COL22A1: variants seen among roughly 807,000 people sequenced by gnomAD.
COL22A1 encodes the protein collagen type XXII alpha 1 chain.
In COL22A1, 221 loss-of-function variants were observed where a neutral mutation model predicts 248.9. That is an observed-to-expected ratio of 0.89 (90% CI 0.80 to 0.99). COL22A1 has a LOEUF of 0.99. Among genes scored for constraint, COL22A1 ranks in the 50% least tolerant of loss-of-function variants. The probability of loss-of-function intolerance (pLI) is 0.00; values close to 1 mark genes in which losing one functional copy is unlikely to be tolerated. For synonymous variants in COL22A1, 891 were observed against 793.4 expected (o/e 1.12, Z -2.07); for missense variants, 2,240 against 2,179.0 (o/e 1.03, Z -0.56).
intron 16 of COL22A1, among the ~76,000 whole-genome samples, chr8:138,766,459 C>G (rs1401902597): frequency 1.0e-5 from 1 of 99,054 alleles, no homozygotes; most frequent in Admixed American, 1.3e-4. Context: ...GGGGGAGAGA[C>G]AGATGGAGAC....
intron 2 of COL22A1, among the ~76,000 whole-genome samples, chr8:138,879,837 TAAAAC>T (rs146542704): frequency 0.046 from 6,970 of 150,004 alleles, 576 homozygotes; most frequent in African/African-American, 0.16. Flanking sequence ...CATTTGGCTA[TAAAAC>T]AAAACAAAAC....
intron 4 of COL22A1, among the ~76,000 whole-genome samples, chr8:138,841,951 G>A (rs1820915570): frequency 6.6e-6 from 1 of 152,280 alleles, no homozygotes; most frequent in Non-Finnish European, 1.5e-5. Flanking sequence ...ACTTTTGATG[G>A]TTTGGGTAAG....
chr8:138,877,512 C>A (rs906065555), intron 3 of COL22A1, among the ~76,000 whole-genome samples: 1 of 152,170 alleles, frequency 6.6e-6, no homozygotes, highest in Admixed American at 6.5e-5. Flanking sequence ...GCGACCTCTG[C>A]CTCTGGATGG....
intron 4 of COL22A1, among the ~76,000 whole-genome samples, chr8:138,836,664 C>T (rs9650565): frequency 0.53 from 80,021 of 152,032 alleles, 21,941 homozygotes; most frequent in East Asian, 0.66. Context: ...CTATCAGTCT[C>T]ATCTGTAAAC....
intron 57 of COL22A1, among the ~76,000 whole-genome samples, chr8:138,607,712 A>T (rs1818531302): frequency 6.6e-6 from 1 of 152,166 alleles, no homozygotes; most frequent in East Asian, 1.9e-4. Context: ...TAGACCATAG[A>T]TGCCTACGGT....
rs766089152 is a variant in COL22A1 at position 138,826,655 on chromosome 8, T to C, written c.969+3A>G. 3.7e-6 allele frequency: 6 copies of C among 1,613,676 alleles called. No individual in the cohort carries two copies. In the South Asian group the frequency reaches 6.6e-5, roughly 18 times the overall value. ...ACTGAGATAAGGCATCTGCTGCCCT[T>C]ACCTGTGGGATGCTGTACTGGTCGA... On this transcript the variant is annotated splice_donor_region_variant and intron_variant, in intron 6 of 64. Transcript: ENST00000303045.
At chr8:138,843,074 G>T (rs966408807) in intron 4 of COL22A1, among the ~76,000 whole-genome samples, 4 of 152,178 alleles carry the variant, frequency 2.6e-5, no homozygotes, top group Non-Finnish European at 5.9e-5. Flanking sequence ...AGAGCCGGGT[G>T]CTTCTATACC....
intron 30 of COL22A1, among the ~76,000 whole-genome samples, chr8:138,713,398 G>A (rs1359913916): frequency 1.3e-5 from 2 of 152,158 alleles, no homozygotes; most frequent in Non-Finnish European, 2.9e-5. Context: ...TCATTGTTAT[G>A]AAGATCACCA....
intron 1 of COL22A1, among the ~76,000 whole-genome samples, chr8:138,897,592 G>A (rs1814213757): frequency 6.6e-6 from 1 of 151,920 alleles, no homozygotes; most frequent in Admixed American, 6.6e-5. Flanking sequence ...TAGTGAAATG[G>A]GTCCCTAAGA....
chr8:138,913,324 G>A (rs924060383), intron 1 of COL22A1, among the ~76,000 whole-genome samples: 8 of 152,116 alleles, frequency 5.3e-5, no homozygotes, highest in African/African-American at 1.9e-4. Flanking sequence ...GGCGGCCATC[G>A]CTGAGCTCCT....
rs182324250 is a variant in COL22A1 at position 138,589,154 on chromosome 8, G to C, written c.*99C>G. The stretch of plus-strand genomic sequence containing the variant: ...ACGATAAAAGAAAGAAAAAAAAAAG[G>C]AACACATGGCTGAAGTCTTTCAAGA... On this transcript the variant is annotated 3_prime_UTR_variant, in exon 65 of 65. Coordinates refer to ENST00000303045, the MANE Select transcript of COL22A1 (RefSeq NM_152888.3). The C allele has an allele frequency of 3.7e-6, 4 of 1,077,962 alleles. No homozygotes were observed. The East Asian group carries it at 8.4e-5, about 23-fold the overall frequency. 66.8% of individuals were successfully genotyped at this position (1,077,962 alleles called of 1,614,324 possible).
chr8:138,649,577 C>G, intron 46 of COL22A1, 88 bp downstream of exon 46: 1 of 1,538,168 alleles, frequency 6.5e-7, no homozygotes, highest in South Asian at 1.2e-5. Flanking sequence ...CCCTGAACAC[C>G]TTCAGAGGCA....
chr8:138,674,017 A>T (rs147479685), intron 41 of COL22A1, among the ~76,000 whole-genome samples: 1,558 of 152,226 alleles, frequency 0.01, 15 homozygotes, highest in Non-Finnish European at 0.016. Flanking sequence ...CCAGGTACCC[A>T]CGGTGGCCTT....
intron 44 of COL22A1, among the ~76,000 whole-genome samples, chr8:138,658,829 G>T (rs1185817625): frequency 6.6e-6 from 1 of 151,340 alleles, no homozygotes; most frequent in East Asian, 1.9e-4. Flanking sequence ...CCATACTTGG[G>T]ACCATTCGGG....
At chr8:138,816,660 T>G (rs1230842917) in intron 7 of COL22A1, among the ~76,000 whole-genome samples, 4 of 152,228 alleles carry the variant, frequency 2.6e-5, no homozygotes, top group African/African-American at 9.6e-5. Context: ...TTTTTCTTTC[T>G]GTGAGATGGA....
rs760108366 is a variant in COL22A1 at position 138,821,159 on chromosome 8, G to A, written c.1222C>T (p.Leu408Phe). 8.7e-6 allele frequency: 14 copies of A among 1,614,040 alleles called. No homozygotes were observed. In the South Asian group the frequency reaches 1.2e-4, roughly 14 times the overall value. The change falls in exon 7 of 65, where the codon CTC becomes TTC. Residue 408 changes from leucine to phenylalanine, a missense_variant. Physicochemically the swap from Leu to Phe is conservative, Grantham distance 22. Coordinates refer to ENST00000303045, the MANE Select transcript of COL22A1 (RefSeq NM_152888.3). ...ACGTCAATGGGCACACTGTCGTAGAGGCGCTTGCCAATCACAGTCTTGCCC... is the reference window on the plus strand; with the variant it reads ...ACGTCAATGGGCACACTGTCGTAGAAGCGCTTGCCAATCACAGTCTTGCCC... ...IQGKTVIGKRLYDSVPIDFDL... is the reference protein window; with the variant it reads ...IQGKTVIGKRFYDSVPIDFDL...
chr8:138,814,052 TCA>T (rs746668614), intron 7 of COL22A1, among the ~76,000 whole-genome samples: 2 of 152,090 alleles, frequency 1.3e-5, no homozygotes, highest in South Asian at 2.1e-4. Context: ...ATGAACACAT[TCA>T]CACACACACA....
chr8:138,716,151 G>A (rs571926182), intron 29 of COL22A1, 76 bp downstream of exon 29: 3 of 1,143,880 alleles, frequency 2.6e-6, no homozygotes, highest in African/African-American at 1.6e-5. Context: ...CCGAGGGACT[G>A]AGACTCCACA....
intron 22 of COL22A1, among the ~76,000 whole-genome samples, chr8:138,739,059 A>G (rs10106218): frequency 0.79 from 119,947 of 152,066 alleles, 48,213 homozygotes; most frequent in East Asian, 0.99. Flanking sequence ...CCCTTAACAC[A>G]CTTGGCCATT....
Sources: gnomAD v4.1 joint callset for allele counts (sites outside exome capture counted in the v4.1 genomes callset) on GRCh38, gnomAD v4.1.1 for gene constraint, MANE v1.5 for transcripts, NCBI Gene and HGNC (gene_info 2026-07-23, HGNC 2026-07-21) for gene names.